The following TBC1D1 variants were observed in gnomAD, a reference collection of about 807,000 sequenced individuals.
TBC1D1 encodes the protein TBC1 domain family member 1, also known as TBC1 (tre-2/USP6, BUB2, cdc16) domain family, member 1.
A neutral mutation model predicts 125.6 loss-of-function variants in TBC1D1; 89 were observed. That is an observed-to-expected ratio of 0.71 (90% confidence interval 0.60 to 0.85). TBC1D1 has a LOEUF of 0.85. TBC1D1 is among the 40% of genes least tolerant of loss of function. The pLI is 0.00. For missense variants in TBC1D1, 1,377 were observed against 1,469.2 expected, an observed-to-expected ratio of 0.94 and a Z score of 1.03; for synonymous variants, 565 against 564.1, an observed-to-expected ratio of 1.00 and a Z score of -0.02.
intron 2 of TBC1D1, chr4:37,960,457 A>G: frequency 1.2e-6 from 2 of 1,613,824 alleles, no homozygotes; most frequent in Non-Finnish European, 1.7e-6. Flanking sequence ...ATCTACGTTG[A>G]TAAGGAAATT....
At chr4:37,935,972 A>G (rs992916159) in intron 2 of TBC1D1, among the ~76,000 whole-genome samples, 34 of 152,244 alleles carry the variant, frequency 2.2e-4, no homozygotes, top group African/African-American at 8.2e-4. Flanking sequence ...CTCAGATCTC[A>G]GCTTACACAT....
intron 2 of TBC1D1, among the ~76,000 whole-genome samples, chr4:37,927,893 C>T (rs1009785185): frequency 1.3e-5 from 2 of 152,178 alleles, no homozygotes; most frequent in African/African-American, 4.8e-5. Context: ...TCCTGGGCAA[C>T]ATAGCAAATC....
intron 2 of TBC1D1, among the ~76,000 whole-genome samples, chr4:37,936,678 T>A (rs1417631385): frequency 6.6e-6 from 1 of 152,140 alleles, no homozygotes; most frequent in Non-Finnish European, 1.5e-5. Context: ...GAGGATAATA[T>A]AAGTTGCAAA....
intron 8 of TBC1D1, among the ~76,000 whole-genome samples, chr4:38,040,974 C>T (rs1748251007): frequency 6.6e-6 from 1 of 152,190 alleles, no homozygotes; most frequent in African/African-American, 2.4e-5. Flanking sequence ...CCAGGGTACG[C>T]TCTATAGTGT....
At chr4:38,008,494 A>G (rs1398533173) in intron 2 of TBC1D1, among the ~76,000 whole-genome samples, 2 of 152,238 alleles carry the variant, frequency 1.3e-5, no homozygotes, top group Non-Finnish European at 2.9e-5. Context: ...CCATTTCACA[A>G]CCAGGGAAGC....
intron 1 of TBC1D1, among the ~76,000 whole-genome samples, chr4:37,896,350 G>A (rs1714619604): frequency 6.6e-6 from 1 of 152,104 alleles, no homozygotes; most frequent in South Asian, 2.1e-4. Context: ...GGGAACAAAG[G>A]GGGTTCCCAA....
At chr4:38,022,333 T>C (rs1393594752) in intron 6 of TBC1D1, among the ~76,000 whole-genome samples, 1 of 152,260 alleles carries the variant, frequency 6.6e-6, no homozygotes, top group Non-Finnish European at 1.5e-5. Context: ...CTTTCTGTTA[T>C]CTATTTAATC....
At chr4:37,933,063 A>G (rs908159735) in intron 2 of TBC1D1, among the ~76,000 whole-genome samples, 2 of 151,660 alleles carry the variant, frequency 1.3e-5, no homozygotes, top group African/African-American at 4.8e-5. Flanking sequence ...AAACAAAAAA[A>G]CAAAAAAACA....
chr4:37,913,041 C>T (rs549377091), intron 2 of TBC1D1, among the ~76,000 whole-genome samples: 6 of 152,188 alleles, frequency 3.9e-5, no homozygotes, highest in Non-Finnish European at 7.4e-5. Context: ...GCACAGTAGT[C>T]GATATGAAAA....
At chr4:38,135,309 CTT>C (rs1349445099) in intron 19 of TBC1D1, among the ~76,000 whole-genome samples, 1 of 152,198 alleles carries the variant, frequency 6.6e-6, no homozygotes, top group African/African-American at 2.4e-5. Context: ...TCTACCACCT[CTT>C]TTGTTCAGCA....
intron 16 of TBC1D1, among the ~76,000 whole-genome samples, chr4:38,116,594 G>A (rs1003272214): frequency 4.6e-5 from 7 of 152,202 alleles, no homozygotes; most frequent in South Asian, 2.1e-4. Context: ...GGGTCTTGGA[G>A]CCGAGTTCCT....
chr4:37,964,987 G>C (rs1480955460), intron 2 of TBC1D1, among the ~76,000 whole-genome samples: 2 of 152,250 alleles, frequency 1.3e-5, no homozygotes, highest in African/African-American at 2.4e-5. Context: ...GAAGCCCTGT[G>C]TTTGTAGCAG....
intron 2 of TBC1D1, among the ~76,000 whole-genome samples, chr4:37,907,180 GA>G (rs1225376119): frequency 6.6e-6 from 1 of 152,168 alleles, no homozygotes; most frequent in Non-Finnish European, 1.5e-5. Context: ...TTGAATATAT[GA>G]AGAAAATTTG....
chr4:38,039,189 C>G (rs1187559746), intron 8 of TBC1D1, among the ~76,000 whole-genome samples: 5 of 122,666 alleles, frequency 4.1e-5, no homozygotes, highest in Admixed American at 3.4e-4. Flanking sequence ...GCTATCTTGG[C>G]TCACTGCAAG....
intron 3 of TBC1D1, among the ~76,000 whole-genome samples, chr4:38,017,910 C>G (rs934646546): frequency 1.3e-5 from 2 of 152,192 alleles, no homozygotes; most frequent in Non-Finnish European, 2.9e-5. Context: ...TTGAAAAGGT[C>G]CGGTCACTAG....
At chr4:38,052,166 A>ACT in intron 11 of TBC1D1, 106 bp downstream of exon 12, 2 of 881,614 alleles carry the variant, frequency 2.3e-6, no homozygotes, top group Non-Finnish European at 3.3e-6. Flanking sequence ...AAGCAGAGCC[A>ACT]CTGTGTGTGT....
At chr4:37,913,794 C>G (rs1394563049) in intron 2 of TBC1D1, among the ~76,000 whole-genome samples, 2 of 150,750 alleles carry the variant, frequency 1.3e-5, no homozygotes, top group East Asian at 3.9e-4. Flanking sequence ...CACTCCCTTG[C>G]CTTTTCTTTG....
chr4:38,042,913 T>G (rs1463908758), intron 8 of TBC1D1, among the ~76,000 whole-genome samples: 1 of 152,196 alleles, frequency 6.6e-6, no homozygotes, highest in African/African-American at 2.4e-5. Context: ...TGTGTGTTTG[T>G]ATTTTTGAGA....
chr4:37,894,631 A>G (rs1714145956), intron 1 of TBC1D1, among the ~76,000 whole-genome samples: 1 of 152,192 alleles, frequency 6.6e-6, no homozygotes, highest in South Asian at 2.1e-4. Flanking sequence ...TGCCAGAATT[A>G]GTGAATTTAT....
Sources: gnomAD v4.1 joint callset for allele counts (sites outside exome capture counted in the v4.1 genomes callset) on GRCh38, gnomAD v4.1.1 for gene constraint, MANE v1.5 for transcripts, NCBI Gene and HGNC (gene_info 2026-07-23, HGNC 2026-07-21) for gene names.